The following MRPL1 variants were observed in gnomAD, a reference collection of about 807,000 sequenced individuals.
The protein encoded by MRPL1 is mitochondrial ribosomal protein L1, also known as large ribosomal subunit protein uL1m.
A neutral mutation model predicts 38.0 loss-of-function variants in MRPL1; 28 were observed. The observed-to-expected ratio is 0.74, with a 90% CI of 0.55 to 1.01. The LOEUF is 1.01. Among genes scored for constraint, MRPL1 ranks in the 50% least tolerant of loss-of-function variants. The probability of loss-of-function intolerance (pLI) is 0.00; values close to 1 mark genes in which losing one functional copy is unlikely to be tolerated. For synonymous variants in MRPL1, 123 were observed against 126.7 expected (o/e 0.97, Z 0.20); for missense variants, 358 against 389.8 (o/e 0.92, Z 0.69).
In MRPL1 at chr4:77,921,664, C is replaced by T. The variant is rs1406193079; in HGVS notation, c.777+12292C>T. ...ATACACAAAGGAAACTACTTTGATA[C>T]AGGAGGACATAGAATTACATATTTT... On this transcript the variant is annotated intron_variant, in intron 7 of 8. Coordinates refer to ENST00000315567, the MANE Select transcript of MRPL1 (RefSeq NM_020236.4). Among the ~76,000 whole-genome samples the T allele has an allele frequency of 4.6e-5, 7 of 152,082 alleles. No individual in the cohort carries two copies. The East Asian group carries it at 1.2e-3, about 25-fold the overall frequency.
At chr4:77,945,611 T>C (rs1305839733) in intron 7 of MRPL1, among the ~76,000 whole-genome samples, 1 of 152,174 alleles carries the variant, frequency 6.6e-6, no homozygotes, top group African/African-American at 2.4e-5. Context: ...GTAAGTTCTT[T>C]CTATTTTCCA....
intron 1 of MRPL1, among the ~76,000 whole-genome samples, chr4:77,864,002 T>G (rs1169153443): frequency 5.3e-3 from 56 of 10,596 alleles, no homozygotes; most frequent in Non-Finnish European, 8.6e-3. Flanking sequence ...GCATCACAGT[T>G]TTTTTTTTTT....
At chr4:77,935,484 C>T (rs1736947422) in intron 7 of MRPL1, among the ~76,000 whole-genome samples, 1 of 151,928 alleles carries the variant, frequency 6.6e-6, no homozygotes, top group African/African-American at 2.4e-5. Context: ...GCCTCTGCCT[C>T]CCGGATTCAA....
At chr4:77,926,284 G>A (rs1217172032) in intron 7 of MRPL1, among the ~76,000 whole-genome samples, 1 of 152,162 alleles carries the variant, frequency 6.6e-6, no homozygotes, top group Non-Finnish European at 1.5e-5. Flanking sequence ...CTGAAAATAA[G>A]GAGATTAAGT....
chr4:77,901,416 G>GT (rs1314440342), intron 6 of MRPL1, among the ~76,000 whole-genome samples: 1 of 151,262 alleles, frequency 6.6e-6, no homozygotes, highest in Non-Finnish European at 1.5e-5. Context: ...CATATAAATA[G>GT]TTATGATAAT....
chr4:77,884,553 A>G (rs372023979), intron 3 of MRPL1, among the ~76,000 whole-genome samples: 2 of 152,348 alleles, frequency 1.3e-5, no homozygotes, highest in South Asian at 4.1e-4. Flanking sequence ...CCTCAAATGC[A>G]TGCCATTGTT....
intron 1 of MRPL1, among the ~76,000 whole-genome samples, chr4:77,863,330 A>C (rs1048895674): frequency 5.3e-5 from 8 of 152,126 alleles, no homozygotes; most frequent in Admixed American, 4.6e-4. Flanking sequence ...TTAAACTTCC[A>C]TAGGTGGTCT....
At chr4:77,933,285 G>A (rs990163678) in intron 7 of MRPL1, among the ~76,000 whole-genome samples, 12 of 152,138 alleles carry the variant, frequency 7.9e-5, no homozygotes. Flanking sequence ...AGTCACAAGA[G>A]GGTGGGGCAT....
chr4:77,886,931 T>TA (rs1735690561), intron 4 of MRPL1, among the ~76,000 whole-genome samples: 1 of 151,506 alleles, frequency 6.6e-6, no homozygotes, highest in Non-Finnish European at 1.5e-5. Context: ...AGCTGGGACT[T>TA]ACAGGTGTGT....
At chr4:77,889,347 A>G (rs1298762521) in intron 5 of MRPL1, among the ~76,000 whole-genome samples, 1 of 152,260 alleles carries the variant, frequency 6.6e-6, no homozygotes, top group Non-Finnish European at 1.5e-5. Flanking sequence ...CCGCTCAACT[A>G]CATGGAAACT....
intron 6 of MRPL1, among the ~76,000 whole-genome samples, chr4:77,908,171 GT>G (rs542674089): frequency 1.3e-4 from 19 of 146,482 alleles, no homozygotes; most frequent in East Asian, 4.0e-4. Flanking sequence ...CTGCTTTTTA[GT>G]TTTTTTTTTC....
At chr4:77,943,541 C>G (rs1202735269) in intron 7 of MRPL1, among the ~76,000 whole-genome samples, 10 of 151,926 alleles carry the variant, frequency 6.6e-5, no homozygotes, top group Admixed American at 3.9e-4. Flanking sequence ...ATAATCCCAA[C>G]TTTTTGGAGG....
rs373294968 is a variant in MRPL1, at chr4:77,885,359, T to C, written c.486+20T>C. The C allele has an allele frequency of 8.2e-6, 13 of 1,578,376 alleles. No individual in the cohort carries two copies. The East Asian group carries it at 2.5e-4, about 30-fold the overall frequency. On this transcript the variant is annotated intron_variant, in intron 4 of 8. Transcript: ENST00000315567. ...ACAGAGGTGAGTAACTTCCGTCAAC[T>C]ATTTATATCATTTAATTTTTTTTTT... is the stretch of plus-strand genomic sequence containing the variant.
chr4:77,880,939 C>G (rs920931454), intron 2 of MRPL1, among the ~76,000 whole-genome samples: 2 of 152,144 alleles, frequency 1.3e-5, no homozygotes, highest in Non-Finnish European at 2.9e-5. Flanking sequence ...TCTCATGTAG[C>G]CTGGGGCTCT....
At chr4:77,933,727 G>T (rs992124293) in intron 7 of MRPL1, among the ~76,000 whole-genome samples, 1 of 152,172 alleles carries the variant, frequency 6.6e-6, no homozygotes, top group Non-Finnish European at 1.5e-5. Context: ...AGAAATAATG[G>T]CAGGATTACA....
intron 7 of MRPL1, among the ~76,000 whole-genome samples, chr4:77,921,863 C>T (rs1736588088): frequency 6.6e-6 from 1 of 151,124 alleles, no homozygotes; most frequent in Admixed American, 6.6e-5. Flanking sequence ...ATGCAGAGTA[C>T]TGTGTGTACG....
At chr4:77,905,947 A>G (rs1186409544) in intron 6 of MRPL1, among the ~76,000 whole-genome samples, 2 of 152,212 alleles carry the variant, frequency 1.3e-5, no homozygotes, top group African/African-American at 2.4e-5. Context: ...GCATCTAGGT[A>G]GAGATATCAA....
chr4:77,935,874 G>A (rs1736959793), intron 7 of MRPL1, among the ~76,000 whole-genome samples: 1 of 150,648 alleles, frequency 6.6e-6, no homozygotes, highest in African/African-American at 2.4e-5. Flanking sequence ...AGAGGTTGCA[G>A]TGAGCCAAGA....
chr4:77,879,822 T>G (rs1735495436), intron 2 of MRPL1, among the ~76,000 whole-genome samples: 4 of 152,194 alleles, frequency 2.6e-5, no homozygotes, highest in African/African-American at 9.7e-5. Flanking sequence ...GGGCACTTGC[T>G]TAGACTTGTC....
Sources: allele counts gnomAD v4.1 joint callset (sites outside exome capture counted in the v4.1 genomes callset), GRCh38; gene constraint gnomAD v4.1.1; transcripts MANE v1.5; gene names NCBI Gene and HGNC (gene_info 2026-07-23, HGNC 2026-07-21).